Variants in RBFOX1 observed in about 807,000 individuals in gnomAD.
RBFOX1 encodes RNA binding protein fox-1 homolog 1.
In RBFOX1, 8 loss-of-function variants were observed where a neutral mutation model predicts 57.7. The observed-to-expected ratio is 0.14, with a 90% CI of 0.08 to 0.25. RBFOX1 has a LOEUF of 0.25. RBFOX1 is among the 10% of genes least tolerant of loss of function. RBFOX1 has a pLI of 1.00. For synonymous variants in RBFOX1, 326 were observed against 222.4 expected (o/e 1.47, Z -4.15); for missense variants, 611 against 548.5 (o/e 1.11, Z -1.14).
chr16:5,521,470 C>G (rs568381242), intron 2 of RBFOX1, among the ~76,000 whole-genome samples: 3 of 152,100 alleles, frequency 2.0e-5, no homozygotes, highest in Admixed American at 6.5e-5. Flanking sequence ...TCTTTGTATC[C>G]TCCATCTTCC....
intron 4 of RBFOX1, among the ~76,000 whole-genome samples, chr16:7,486,656 G>C (rs372879052): frequency 1.8e-4 from 27 of 152,252 alleles, no homozygotes; most frequent in African/African-American, 6.5e-4. Flanking sequence ...ACCCAGGCTT[G>C]ATAGAAGGTA....
chr16:7,610,111 C>T (rs796553154), intron 10 of RBFOX1, among the ~76,000 whole-genome samples: 4 of 87,780 alleles, frequency 4.6e-5, no homozygotes, highest in South Asian at 6.9e-4. Context: ...CCACTGCGCC[C>T]GGCCCCCTTT....
At chr16:6,759,043 C>T (rs74007013) in intron 3 of RBFOX1, among the ~76,000 whole-genome samples, 37 of 152,166 alleles carry the variant, frequency 2.4e-4, no homozygotes, top group African/African-American at 8.2e-4. Flanking sequence ...TTACCTCTTT[C>T]TTGCATTTAA....
intron 1 of RBFOX1, among the ~76,000 whole-genome samples, chr16:6,266,890 A>C (rs2074577339): frequency 6.6e-6 from 1 of 152,174 alleles, no homozygotes; most frequent in Admixed American, 6.5e-5. Context: ...TGCAGGCAGG[A>C]AGCTTGATTG....
intron 1 of RBFOX1, among the ~76,000 whole-genome samples, chr16:5,360,773 G>T (rs912998369): frequency 2.6e-5 from 4 of 152,184 alleles, no homozygotes; most frequent in African/African-American, 9.7e-5. Context: ...GTCTTTTCAG[G>T]ACTACTGATG....
At chr16:5,241,306 GAGA>G (rs1216866863) in intron 1 of RBFOX1, among the ~76,000 whole-genome samples, 2 of 152,226 alleles carry the variant, frequency 1.3e-5, no homozygotes, top group African/African-American at 4.8e-5. Flanking sequence ...GAGATTCTGG[GAGA>G]AGGAGGACAG....
intron 2 of RBFOX1, among the ~76,000 whole-genome samples, chr16:6,427,855 G>A (rs61418692): frequency 0.079 from 11,966 of 152,122 alleles, 933 homozygotes; most frequent in African/African-American, 0.2. Context: ...TGGTTCACCC[G>A]TTACCAGGTG....
At chr16:6,483,210 G>C (rs1319618395) in intron 2 of RBFOX1, 4 of 1,203,686 alleles carry the variant, frequency 3.3e-6, no homozygotes, top group Non-Finnish European at 4.1e-6. Context: ...GAGGCCGGCC[G>C]GGGAAGCCGG....
intron 4 of RBFOX1, among the ~76,000 whole-genome samples, chr16:7,066,016 A>G (rs916302975): frequency 2.0e-5 from 3 of 152,182 alleles, no homozygotes; most frequent in African/African-American, 7.2e-5. Flanking sequence ...ACTATTACCA[A>G]TTGAAATGGT....
At chr16:7,183,765 A>C (rs1348738200) in intron 4 of RBFOX1, among the ~76,000 whole-genome samples, 1 of 152,222 alleles carries the variant, frequency 6.6e-6, no homozygotes, top group African/African-American at 2.4e-5. Flanking sequence ...AAAGCTTAGG[A>C]GGACATTTCA....
intron 1 of RBFOX1, among the ~76,000 whole-genome samples, chr16:5,406,990 C>G (rs529341641): frequency 6.6e-6 from 1 of 152,286 alleles, no homozygotes; most frequent in South Asian, 2.1e-4. Flanking sequence ...CACTTTCACA[C>G]TGCTATATAA....
intron 1 of RBFOX1, among the ~76,000 whole-genome samples, chr16:6,050,827 C>G (rs1367497201): frequency 6.6e-6 from 1 of 151,762 alleles, no homozygotes; most frequent in African/African-American, 2.4e-5. Flanking sequence ...TTTGCATACT[C>G]TAGTGACTGG....
At chr16:5,443,463 G>A (rs558825828) in intron 1 of RBFOX1, among the ~76,000 whole-genome samples, 1 of 152,160 alleles carries the variant, frequency 6.6e-6, no homozygotes, top group Non-Finnish European at 1.5e-5. Context: ...TCAGCCTTCT[G>A]AGTAGCTGGG....
chr16:6,879,498 C>T (rs1416771584), intron 3 of RBFOX1, among the ~76,000 whole-genome samples: 1 of 152,104 alleles, frequency 6.6e-6, no homozygotes, highest in Non-Finnish European at 1.5e-5. Flanking sequence ...ACCTTAATTG[C>T]AATTTACAAA....
chr16:6,654,094 G>T (rs1459459314), intron 2 of RBFOX1, among the ~76,000 whole-genome samples: 1 of 130,908 alleles, frequency 7.6e-6, no homozygotes, highest in Non-Finnish European at 1.7e-5. Flanking sequence ...AGATCAATGG[G>T]CATGGCTGTT....
At chr16:6,705,881 G>A (rs1224361171) in intron 3 of RBFOX1, among the ~76,000 whole-genome samples, 1 of 152,126 alleles carries the variant, frequency 6.6e-6, no homozygotes, top group Non-Finnish European at 1.5e-5. Flanking sequence ...AGCTGGGCAT[G>A]GTGGTGCATG....
chr16:5,468,527 A>G (rs971082997), intron 2 of RBFOX1, among the ~76,000 whole-genome samples: 2 of 152,174 alleles, frequency 1.3e-5, no homozygotes, highest in Non-Finnish European at 2.9e-5. Context: ...GAATTACCAT[A>G]TGGCCCAGCA....
chr16:7,140,557 C>G (rs570594008), intron 4 of RBFOX1, among the ~76,000 whole-genome samples: 6 of 152,104 alleles, frequency 3.9e-5, no homozygotes, highest in South Asian at 4.2e-4. Context: ...TAAATGAATG[C>G]ATTGATGAAT....
rs534698397 is a variant in RBFOX1, at chr16:7,567,638, C to G, written c.271-12139C>G. Among the ~76,000 whole-genome samples, 78 of 58,474 alleles carry G rather than the reference C, an allele frequency of 1.3e-3. 4 individuals carry two copies. The highest frequency in any genetic ancestry group is 4.1e-3 in the African/African-American group (71 of 17,128). The allele number at this position is 58,474 out of a possible 152,430, so 38.4% of individuals were successfully genotyped here. A position where few individuals can be genotyped will look rare whatever the true frequency, so the allele number is the denominator to read the frequency against. ...ATGGCCCTATATATATATATATATC[C>G]CTATATATGGCCCTATATATATATA... is the stretch of plus-strand genomic sequence containing the variant. On this transcript the variant is annotated intron_variant, in intron 5 of 15. Transcript: ENST00000550418.
Sources: gnomAD v4.1 joint callset for allele counts (sites outside exome capture counted in the v4.1 genomes callset) on GRCh38, gnomAD v4.1.1 for gene constraint, MANE v1.5 for transcripts, NCBI Gene and HGNC (gene_info 2026-07-23, HGNC 2026-07-21) for gene names.